NPAS2: variants seen among roughly 807,000 people sequenced by gnomAD.
NPAS2 encodes neuronal PAS domain protein 2, also known as neuronal PAS domain-containing protein 2.
A neutral mutation model predicts 107.5 loss-of-function variants in NPAS2; 23 were observed. That is an observed-to-expected ratio of 0.21 (90% CI 0.15 to 0.30). The LOEUF is 0.30. Among genes scored for constraint, NPAS2 ranks in the 10% least tolerant of loss-of-function variants. The pLI is 1.00. For missense variants in NPAS2, 756 were observed against 1,043.3 expected (o/e 0.72, Z 3.79); for synonymous variants, 403 against 417.5 (o/e 0.97, Z 0.42).
upstream of NPAS2, among the ~76,000 whole-genome samples, chr2:100,819,887 G>A (rs1182693976): frequency 2.0e-5 from 3 of 152,026 alleles, no homozygotes; most frequent in Non-Finnish European, 2.9e-5. This position sits in a 1 kb window ranked among gnomAD's most constrained non-coding sequence, Gnocchi z 5.8. Flanking sequence ...GGCTGCGGCG[G>A]CCTGGGGACT....
At chr2:100,923,984 T>C (rs1043921642) in intron 2 of NPAS2, among the ~76,000 whole-genome samples, 5 of 152,160 alleles carry the variant, frequency 3.3e-5, no homozygotes, top group African/African-American at 1.2e-4. Flanking sequence ...TCAGAGGTGC[T>C]TGGGTGGCTT....
chr2:100,842,855 C>CT (rs1212048698), intron 1 of NPAS2, among the ~76,000 whole-genome samples: 1 of 152,150 alleles, frequency 6.6e-6, no homozygotes, highest in Non-Finnish European at 1.5e-5. Context: ...TAGCTGGATT[C>CT]TTTTTACAGA....
Position 100,820,577 on chromosome 2 carries a change from G to T in NPAS2, c.-23+163G>T, listed in dbSNP as rs1676015309. Among the ~76,000 whole-genome samples, 1 of 152,006 alleles carries T rather than the reference G, an allele frequency of 6.6e-6. No individual in the cohort carries two copies. Among genetic ancestry groups the T allele is most frequent in the Non-Finnish European group, 1.5e-5 (1 of 67,962 alleles). On this transcript the variant is annotated intron_variant, in intron 1 of 20. Coordinates refer to ENST00000335681, the MANE Select transcript of NPAS2 (RefSeq NM_002518.4). The surrounding 1 kb of genome is among the most constrained non-coding windows in gnomAD (Gnocchi z 5.6). ...CACCGGGGACCCCGGACGCGGGGGC[G>T]CGGAGAGGTGGGTTCCCCTCCACAG...
intron 4 of NPAS2, among the ~76,000 whole-genome samples, chr2:100,933,773 G>A (rs902093503): frequency 3.3e-5 from 5 of 152,168 alleles, no homozygotes; most frequent in African/African-American, 9.7e-5. Flanking sequence ...TATGGCAGTG[G>A]GTCAGAGAAA....
At chr2:100,832,882 G>A (rs1052800608) in intron 1 of NPAS2, among the ~76,000 whole-genome samples, 2 of 152,094 alleles carry the variant, frequency 1.3e-5, no homozygotes, top group East Asian at 1.9e-4. Context: ...TGTTTTCCTC[G>A]TGCCATGTGT....
chr2:100,981,940 C>A (rs1211665428), intron 15 of NPAS2, among the ~76,000 whole-genome samples: 1 of 152,188 alleles, frequency 6.6e-6, no homozygotes, highest in African/African-American at 2.4e-5. Context: ...AAATCCTGTC[C>A]CAATTCTGTG....
In NPAS2 at chr2:100,965,837, T is replaced by A; in HGVS notation, c.907+71T>A. ...CCACTGGGGCCCAGCAGCAGGGCTC[T>A]GGGACTCCAGAAGCCTCTGCTCGTT... is the stretch of plus-strand genomic sequence containing the variant. On this transcript the variant is annotated intron_variant, in intron 10 of 20. Transcript: ENST00000335681. The surrounding 1 kb of genome is among the most constrained non-coding windows in gnomAD (Gnocchi z 4.3). 1.0e-6 allele frequency: 1 copy of A among 960,666 alleles called. No homozygotes were observed. Among genetic ancestry groups the A allele is most frequent in the Non-Finnish European group, 1.6e-6 (1 of 611,556 alleles). 59.5% of individuals were successfully genotyped at this position (960,666 alleles called of 1,614,324 possible). A position where few individuals can be genotyped will look rare whatever the true frequency, so the allele number is the denominator to read the frequency against.
At chr2:100,853,937 T>C (rs1295643543) in intron 1 of NPAS2, among the ~76,000 whole-genome samples, 2 of 142,720 alleles carry the variant, frequency 1.4e-5, no homozygotes, top group Non-Finnish European at 3.0e-5. Flanking sequence ...TCCAACACTT[T>C]GGGAGGCCGA....
Position 100,830,854 on chromosome 2 carries a change from G to C in NPAS2, c.-23+10440G>C, listed in dbSNP as rs553410750. Reference sequence around the variant, plus strand: ...AGCATCATACGTCCACATAGGTCACGGGACAAACAGTGCTGATCACTGCCT... The same window carrying C: ...AGCATCATACGTCCACATAGGTCACCGGACAAACAGTGCTGATCACTGCCT... On this transcript the variant is annotated intron_variant, in intron 1 of 20. Transcript: ENST00000335681. Among the ~76,000 whole-genome samples the C allele has an allele frequency of 2.0e-5, 3 of 152,170 alleles. No homozygotes were observed. The East Asian group carries it at 5.8e-4, about 29-fold the overall frequency.
chr2:100,887,357 C>T (rs1183721727), intron 1 of NPAS2, among the ~76,000 whole-genome samples: 1 of 152,186 alleles, frequency 6.6e-6, no homozygotes, highest in African/African-American at 2.4e-5. Flanking sequence ...GTGGCCTCCT[C>T]CGTGGCATGG....
At position 100,961,935 on chromosome 2, in the gene NPAS2, C is replaced by T. The variant is rs139896185; in HGVS notation, c.599-2123C>T. ...CTGAAAGAGTCAGAATTTTATTAGT[C>T]ATTATCTGGCTGGGTAATATGTCTT... On this transcript the variant is annotated intron_variant, in intron 7 of 20. Coordinates refer to ENST00000335681, the MANE Select transcript of NPAS2 (RefSeq NM_002518.4). Among the ~76,000 whole-genome samples, 363 of 152,294 alleles carry T rather than the reference C, an allele frequency of 2.4e-3. 2 individuals carry two copies. The highest frequency in any genetic ancestry group is 7.8e-3 in the African/African-American group (325 of 41,548).
intron 4 of NPAS2, among the ~76,000 whole-genome samples, chr2:100,934,579 G>A (rs548497020): frequency 6.6e-5 from 10 of 152,310 alleles, no homozygotes; most frequent in Non-Finnish European, 1.3e-4. Context: ...CAACCAGCAG[G>A]CCTTCTGGGT....
intron 1 of NPAS2, among the ~76,000 whole-genome samples, chr2:100,856,695 T>C (rs1272845018): frequency 1.9e-5 from 2 of 106,302 alleles, no homozygotes; most frequent in East Asian, 6.3e-4. Context: ...GTAGAGAGAA[T>C]GTGTGTATGG....
chr2:100,991,745 G>A (rs1338761369), intron 19 of NPAS2, among the ~76,000 whole-genome samples: 1 of 152,022 alleles, frequency 6.6e-6, no homozygotes, highest in East Asian at 1.9e-4. Flanking sequence ...GTCTTTTTTT[G>A]TTTGTTTGTT....
chr2:100,885,567 G>T (rs1010426033), intron 1 of NPAS2, among the ~76,000 whole-genome samples: 3 of 152,176 alleles, frequency 2.0e-5, no homozygotes, highest in South Asian at 2.1e-4. Context: ...TTTAGGTAAA[G>T]ATATCCTGAA....
intron 1 of NPAS2, among the ~76,000 whole-genome samples, chr2:100,887,424 G>A (rs1680765748): frequency 6.6e-6 from 1 of 152,232 alleles, no homozygotes; most frequent in Admixed American, 6.5e-5. Flanking sequence ...TCCGTCCTCA[G>A]CTCCAGTGAG....
intron 1 of NPAS2, among the ~76,000 whole-genome samples, chr2:100,827,997 G>A (rs764223715): frequency 1.4e-4 from 22 of 152,208 alleles, no homozygotes; most frequent in Admixed American, 9.8e-4. Flanking sequence ...GCTCCAAACT[G>A]CATTCCACAG....
intron 7 of NPAS2, among the ~76,000 whole-genome samples, chr2:100,956,607 A>G (rs1275944555): frequency 6.6e-6 from 1 of 152,138 alleles, no homozygotes; most frequent in Non-Finnish European, 1.5e-5. Context: ...TCCTCTGATC[A>G]ACTGAGTTGG....
At chr2:100,974,748 A>G (rs1056373536) in intron 12 of NPAS2, 55 bp from the exon 13 acceptor site, 2 of 1,571,626 alleles carry the variant, frequency 1.3e-6, no homozygotes, top group South Asian at 1.2e-5. Context: ...AGTCACGCCC[A>G]CTGATTCTTT....
Sources: gnomAD v4.1 joint callset for allele counts (sites outside exome capture counted in the v4.1 genomes callset) on GRCh38, gnomAD v4.1.1 for gene constraint, Gnocchi (gnomAD v3.1) non-coding constraint, MANE v1.5 for transcripts, NCBI Gene and HGNC (gene_info 2026-07-23, HGNC 2026-07-21) for gene names.